Variants in SLC7A7 observed in about 807,000 individuals in gnomAD.
SLC7A7 encodes Y+L amino acid transporter 1.
In SLC7A7, 39 loss-of-function variants were observed where a neutral mutation model predicts 47.9. The observed-to-expected ratio is 0.81, with a 90% CI of 0.63 to 1.06. The LOEUF (loss-of-function observed/expected upper bound fraction) is 1.06, where lower values mean the gene tolerates loss of function less well. Among genes scored for constraint, SLC7A7 ranks in the 50% least tolerant of loss-of-function variants. SLC7A7 has a pLI of 0.00. For synonymous variants in SLC7A7, 234 were observed against 242.8 expected (o/e 0.96, Z 0.34); for missense variants, 588 against 632.0 (o/e 0.93, Z 0.75).
chr14:22,774,625 G>A, intron 7 of SLC7A7, 122 bp from the exon 8 acceptor site: 2 of 1,308,526 alleles, frequency 1.5e-6, no homozygotes, highest in South Asian at 2.4e-5. Context: ...GTCCTCTTCT[G>A]GTTTTAATCC....
intron 2 of SLC7A7, among the ~76,000 whole-genome samples, chr14:22,801,768 C>T (rs1318393678): frequency 6.6e-6 from 1 of 151,970 alleles, no homozygotes; most frequent in Admixed American, 6.6e-5. Flanking sequence ...AGCGAGACTC[C>T]GTCTCAAAAA....
chr14:22,784,386 G>A (rs767887922), intron 2 of SLC7A7, among the ~76,000 whole-genome samples: 7 of 152,164 alleles, frequency 4.6e-5, no homozygotes, highest in South Asian at 2.1e-4. Flanking sequence ...TTGGGAGGCC[G>A]AGGTGGACAG....
intron 2 of SLC7A7, among the ~76,000 whole-genome samples, chr14:22,803,072 G>A (rs554740675): frequency 3.9e-4 from 60 of 152,256 alleles, no homozygotes; most frequent in Middle Eastern, 6.8e-3. Flanking sequence ...ATTCACATAT[G>A]TTTATATTCT....
Position 22,775,471 on chromosome 14 carries a change from G to T in SLC7A7, c.1068C>A (p.Phe356Leu). ...TGAAGAGCAGAGAAGGCACTGGTGTGAACCGCTCAACATGGATCATGCAGA... is the reference window on the plus strand; with the variant it reads ...TGAAGAGCAGAGAAGGCACTGGTGTTAACCGCTCAACATGGATCATGCAGA... ...DAICMIHVER[F>L]TPVPSLLFNG... The change falls in exon 7 of 10, where the codon TTC (phenylalanine) becomes TTA (leucine). Residue 356 changes from phenylalanine to leucine, a missense_variant. Physicochemically the swap from Phe to Leu is conservative, Grantham distance 22. Coordinates refer to ENST00000674313, the MANE Select transcript of SLC7A7 (RefSeq NM_003982.4). 1 of 1,614,132 alleles carries T rather than the reference G, an allele frequency of 6.2e-7. No homozygotes were observed. Among genetic ancestry groups the T allele is most frequent in the Non-Finnish European group, 8.5e-7 (1 of 1,179,998 alleles).
At chr14:22,804,785 T>C (rs2039173116) in intron 2 of SLC7A7, among the ~76,000 whole-genome samples, 1 of 151,428 alleles carries the variant, frequency 6.6e-6, no homozygotes, top group Non-Finnish European at 1.5e-5. Context: ...CTGAGGTCAG[T>C]AGTTCAAGAC....
chr14:22,811,716 G>A (rs2039308150), intron 2 of SLC7A7, among the ~76,000 whole-genome samples: 1 of 152,040 alleles, frequency 6.6e-6, no homozygotes, highest in African/African-American at 2.4e-5. Flanking sequence ...GCTAGGCATG[G>A]TGGCACATGC....
rs773372874 is a variant in SLC7A7 at position 22,813,033 on chromosome 14, G to A, written c.366C>T (p.Thr122=). ...GGFLAFIRLW[T]SLLIIEPTSQ... is the part of the protein sequence containing the mutation. Reference sequence around the variant, plus strand: ...TGGTGGGCTCAATGATGAGCAGGGAGGTCCAGAGTCTGATGAAAGCAAGGA... The same window carrying A: ...TGGTGGGCTCAATGATGAGCAGGGAAGTCCAGAGTCTGATGAAAGCAAGGA... The change falls in exon 2 of 10, where the codon ACC becomes ACT. Residue 122 remains threonine (T), a synonymous_variant. Coordinates refer to ENST00000674313, the MANE Select transcript of SLC7A7 (RefSeq NM_003982.4). 1.9e-6 allele frequency: 3 copies of A among 1,614,120 alleles called. No homozygotes were observed. Among genetic ancestry groups the A allele is most frequent in the South Asian group, 1.1e-5 (1 of 91,078 alleles).
chr14:22,793,710 G>A (rs988478531), intron 2 of SLC7A7, among the ~76,000 whole-genome samples: 1 of 152,020 alleles, frequency 6.6e-6, no homozygotes, highest in Non-Finnish European at 1.5e-5. Flanking sequence ...CAGCTACTAG[G>A]GAGGCTGAGG....
At chr14:22,814,851 G>A (rs1387046152) in intron 1 of SLC7A7, 1 of 170,854 alleles carries the variant, frequency 5.9e-6, no homozygotes, top group East Asian at 1.6e-4. Flanking sequence ...GGAGTCTTCA[G>A]CCCTGGCAAA....
chr14:22,809,637 G>A (rs1479451278), intron 2 of SLC7A7, among the ~76,000 whole-genome samples: 1 of 151,886 alleles, frequency 6.6e-6, no homozygotes, highest in African/African-American at 2.4e-5. Context: ...CACCATGCCC[G>A]GCCTTTTTTG....
chr14:22,793,453 A>C (rs1041250914), intron 2 of SLC7A7, among the ~76,000 whole-genome samples: 1 of 152,216 alleles, frequency 6.6e-6, no homozygotes, highest in African/African-American at 2.4e-5. Flanking sequence ...TTCCCAAAGC[A>C]GACCTCCTTC....
chr14:22,817,146 T>TTTAC (rs1166299313), upstream of SLC7A7: 1 of 156,888 alleles, frequency 6.4e-6, no homozygotes, highest in East Asian at 1.9e-4. Context: ...TTTTTTTTTA[T>TTTAC]TTATTTTCTT....
At chr14:22,787,157 C>T (rs995296205) in intron 2 of SLC7A7, among the ~76,000 whole-genome samples, 2 of 151,986 alleles carry the variant, frequency 1.3e-5, no homozygotes, top group Admixed American at 1.3e-4. Flanking sequence ...TGACTAGGGC[C>T]GGGCGCAGTG....
intron 2 of SLC7A7, among the ~76,000 whole-genome samples, chr14:22,803,707 T>C (rs2039154768): frequency 2.0e-5 from 3 of 152,120 alleles, no homozygotes; most frequent in South Asian, 4.1e-4. Flanking sequence ...TAGGGCCACA[T>C]AGGCCACGGT....
At chr14:22,787,104 C>T (rs1039558867) in intron 2 of SLC7A7, among the ~76,000 whole-genome samples, 1 of 152,032 alleles carries the variant, frequency 6.6e-6, no homozygotes, top group South Asian at 2.1e-4. Context: ...CAAATTTGAT[C>T]AGCATACCTC....
chr14:22,776,352 C>T, intron 4 of SLC7A7, 34 bp from the exon 5 acceptor site: 5 of 1,613,990 alleles, frequency 3.1e-6, no homozygotes. Flanking sequence ...CACATTAGTC[C>T]CACAGTCATA....
rs529921307 is a variant in SLC7A7 at position 22,795,398 on chromosome 14, C to CTT, written c.500-15349_500-15348dup. On this transcript the variant is annotated intron_variant, in intron 2 of 9. Transcript: ENST00000674313. ...TATTGCTTGCTTGCTTTCTTTCTTT[C>CTT]TTTCTTTCTTTCTTTCTTTCTTTCT... 5.5e-3 allele frequency among the ~76,000 whole-genome samples: 407 copies of CTT among 73,356 alleles called. 3 individuals are homozygous for CTT. The highest frequency in any genetic ancestry group is 0.013 in the South Asian group (25 of 1,960). The allele number at this position is 73,356 out of a possible 152,430, so 48.1% of individuals were successfully genotyped here.
chr14:22,818,079 T>C (rs1477616471), upstream of SLC7A7, among the ~76,000 whole-genome samples: 2 of 151,100 alleles, frequency 1.3e-5, no homozygotes, highest in Non-Finnish European at 2.9e-5. Context: ...CCAAATTCAC[T>C]GGCACCAAGG....
At chr14:22,817,073 C>G (rs1242869951), upstream of SLC7A7, among the ~76,000 whole-genome samples, 1 of 151,648 alleles carries the variant, frequency 6.6e-6, no homozygotes, top group Non-Finnish European at 1.5e-5. Context: ...CACAAGTATA[C>G]TATCTCTCCA....
Sources: allele counts gnomAD v4.1 joint callset (sites outside exome capture counted in the v4.1 genomes callset), GRCh38; gene constraint gnomAD v4.1.1; transcripts MANE v1.5; gene names NCBI Gene and HGNC (gene_info 2026-07-23, HGNC 2026-07-21).